The following MTF2 variants were observed in gnomAD, a reference collection of about 807,000 sequenced individuals.
MTF2 encodes the protein metal response element binding transcription factor 2.
Under a neutral mutation model 79.5 loss-of-function variants are expected in MTF2, and 11 were observed. That is an observed-to-expected ratio of 0.14 (90% confidence interval 0.09 to 0.23). MTF2 has a LOEUF of 0.23. MTF2 is among the 10% of genes least tolerant of loss of function. MTF2 has a pLI of 1.00. For synonymous variants in MTF2, 208 were observed against 232.8 expected (o/e 0.89, Z 0.97); for missense variants, 486 against 711.2 (o/e 0.68, Z 3.60).
intron 14 of MTF2, among the ~76,000 whole-genome samples, chr1:93,135,081 C>T (rs1335434070): frequency 6.6e-6 from 1 of 152,106 alleles, no homozygotes; most frequent in Non-Finnish European, 1.5e-5. Flanking sequence ...GCAATTCTGG[C>T]ACCTCAGCCT....
intron 9 of MTF2, among the ~76,000 whole-genome samples, chr1:93,126,960 G>A (rs899889404): frequency 6.6e-6 from 1 of 152,060 alleles, no homozygotes; most frequent in Non-Finnish European, 1.5e-5. Context: ...ACAGTTTGTA[G>A]TTCCTTCATA....
intron 1 of MTF2, among the ~76,000 whole-genome samples, chr1:93,107,328 G>A (rs1393704523): frequency 3.9e-5 from 6 of 152,032 alleles, no homozygotes; most frequent in Admixed American, 1.3e-4. Context: ...AGGTTCAAGC[G>A]GTTCTCCTGC....
Position 93,108,606 on chromosome 1 carries a change from A to ATT in MTF2, c.6-1605_6-1604dup, listed in dbSNP as rs35393630. On this transcript the variant is annotated intron_variant, in intron 1 of 14. Coordinates refer to ENST00000370298, the MANE Select transcript of MTF2 (RefSeq NM_007358.4). Reference sequence around the variant, plus strand: ...TTGTGTTTCTCTTGTTGCTTTCAAGATTTTTTTTTTTTTTTTTTTTGCCTT... The same window carrying ATT: ...TTGTGTTTCTCTTGTTGCTTTCAAGATTTTTTTTTTTTTTTTTTTTTTGCCTT... Among the ~76,000 whole-genome samples, 372 of 103,454 alleles carry ATT rather than the reference A, an allele frequency of 3.6e-3. 5 individuals carry two copies. Among genetic ancestry groups the ATT allele is most frequent in the African/African-American group, 0.013 (354 of 27,806 alleles). 67.9% of individuals were successfully genotyped at this position (103,454 alleles called of 152,430 possible). A position where few individuals can be genotyped will look rare whatever the true frequency, so the allele number is the denominator to read the frequency against.
intron 11 of MTF2, among the ~76,000 whole-genome samples, chr1:93,133,080 A>G (rs938740111): frequency 1.3e-5 from 2 of 151,632 alleles, no homozygotes; most frequent in African/African-American, 4.8e-5. Context: ...ATGGTTTTCT[A>G]GGTCTTTCTG....
At chr1:93,090,664 G>GTT (rs373876716) in intron 1 of MTF2, among the ~76,000 whole-genome samples, 76 of 139,136 alleles carry the variant, frequency 5.5e-4, no homozygotes, top group Admixed American at 6.6e-4. Flanking sequence ...ATTTTTCCTA[G>GTT]TTTTTTTTTT....
chr1:93,103,286 G>A (rs1241711950), intron 1 of MTF2, among the ~76,000 whole-genome samples: 3 of 151,278 alleles, frequency 2.0e-5, no homozygotes, highest in Non-Finnish European at 4.4e-5. Flanking sequence ...ATCCTATATA[G>A]TAGTTGGGAA....
Position 93,079,311 on chromosome 1 carries a change from G to C in MTF2, c.-216G>C. 2 of 565,574 alleles carry C rather than the reference G, an allele frequency of 3.5e-6. No individual in the cohort carries two copies. Among genetic ancestry groups the C allele is most frequent in the Non-Finnish European group, 6.3e-6 (2 of 316,582 alleles). The allele number at this position is 565,574 out of a possible 1,614,324, so 35.0% of individuals were successfully genotyped here. A position where few individuals can be genotyped will look rare whatever the true frequency, so the allele number is the denominator to read the frequency against. ...CCGCGGGAAACCAAAATGGCGAGGG[G>C]CTGTATTGAAGTGGGCTGTGTTTGA... On this transcript the variant is annotated 5_prime_UTR_variant, in exon 1 of 15. Coordinates refer to ENST00000370298, the MANE Select transcript of MTF2 (RefSeq NM_007358.4).
At position 93,138,190 on chromosome 1, in the gene MTF2, A is replaced by T. The variant is rs1647477476; in HGVS notation, c.*1163A>T. ...TCTTGTTTTTATAAAGTGTACCAAG[A>T]TTTAAATTGATAACTTTATTTTACT... On this transcript the variant is annotated 3_prime_UTR_variant, in exon 15 of 15. Coordinates refer to ENST00000370298, the MANE Select transcript of MTF2 (RefSeq NM_007358.4). The T allele has an allele frequency of 6.6e-6, 1 of 152,162 alleles. No individual in the cohort carries two copies. Among genetic ancestry groups the T allele is most frequent in the South Asian group, 2.1e-4 (1 of 4,832 alleles). 9.4% of individuals were successfully genotyped at this position (152,162 alleles called of 1,614,324 possible).
chr1:93,111,236 C>T (rs923878632), intron 3 of MTF2, among the ~76,000 whole-genome samples: 3 of 152,126 alleles, frequency 2.0e-5, no homozygotes, highest in Non-Finnish European at 4.4e-5. Context: ...AGATGTTTTA[C>T]CAGGTACCTC....
chr1:93,102,810 G>A (rs957417286), intron 1 of MTF2, among the ~76,000 whole-genome samples: 1 of 151,984 alleles, frequency 6.6e-6, no homozygotes, highest in African/African-American at 2.4e-5. Context: ...GGGGGGATAT[G>A]GGTATATAAA....
Position 93,079,346 on chromosome 1 carries a change from A to G in MTF2, c.-181A>G, listed in dbSNP as rs1654496291. On this transcript the variant is annotated 5_prime_UTR_variant, in exon 1 of 15. Transcript: ENST00000370298. ...AGTGGGCTGTGTTTGAGGCCGGTGT[A>G]AGAACGCTCATTCTACCCCCAACCC... The G allele has an allele frequency of 1.4e-6, 1 of 702,636 alleles. No homozygotes were observed. Among genetic ancestry groups the G allele is most frequent in the South Asian group, 1.7e-5 (1 of 59,346 alleles). 43.5% of individuals were successfully genotyped at this position (702,636 alleles called of 1,614,324 possible). A position where few individuals can be genotyped will look rare whatever the true frequency, so the allele number is the denominator to read the frequency against.
intron 14 of MTF2, chr1:93,134,419 T>C (rs1333087006): frequency 2.0e-6 from 1 of 504,738 alleles, no homozygotes; most frequent in African/African-American, 2.0e-5. Flanking sequence ...GTGTGGAAAT[T>C]TGCTGTGTAC....
intron 5 of MTF2, 80 bp downstream of exon 5, chr1:93,115,168 G>A (rs2101065103): frequency 1.8e-6 from 2 of 1,103,176 alleles, no homozygotes; most frequent in East Asian, 2.5e-5. Flanking sequence ...TACACTGAAA[G>A]TTTGTTGGAA....
intron 3 of MTF2, among the ~76,000 whole-genome samples, 171 bp downstream of exon 3, chr1:93,110,797 A>G (rs1223618467): frequency 6.6e-6 from 1 of 152,250 alleles, no homozygotes; most frequent in Non-Finnish European, 1.5e-5. Context: ...TAAGAAGAAC[A>G]AGAATACTCT....
intron 9 of MTF2, chr1:93,121,639 ATAT>A (rs1183283987): frequency 6.2e-6 from 6 of 972,170 alleles, no homozygotes; most frequent in African/African-American, 3.5e-5. Flanking sequence ...AAAATCTAGG[ATAT>A]TATTGAAATT....
chr1:93,136,573 ATG>A, intron 14 of MTF2, 95 bp from the exon 15 acceptor site: 1 of 967,424 alleles, frequency 1.0e-6, no homozygotes, highest in Non-Finnish European at 1.6e-6. Flanking sequence ...TCAAGGATAT[ATG>A]GTATAGTAGA....
chr1:93,123,744 C>T, intron 9 of MTF2, among the ~76,000 whole-genome samples: 1 of 141,334 alleles, frequency 7.1e-6, no homozygotes, highest in African/African-American at 2.7e-5. Flanking sequence ...CAGTTGTATT[C>T]TGTTTCGTGT....
intron 1 of MTF2, among the ~76,000 whole-genome samples, chr1:93,092,923 C>G (rs1164146824): frequency 6.6e-6 from 1 of 152,124 alleles, no homozygotes; most frequent in African/African-American, 2.4e-5. Flanking sequence ...TGGCTCACAC[C>G]TGTAATCCCA....
At chr1:93,118,662 C>G (rs1021888515) in intron 7 of MTF2, among the ~76,000 whole-genome samples, 5 of 152,062 alleles carry the variant, frequency 3.3e-5, no homozygotes, top group Admixed American at 3.3e-4. Context: ...ACATTTGCTC[C>G]TATTGACCCA....
Sources: allele counts gnomAD v4.1 joint callset (sites outside exome capture counted in the v4.1 genomes callset), GRCh38; gene constraint gnomAD v4.1.1; transcripts MANE v1.5; gene names NCBI Gene and HGNC (gene_info 2026-07-23, HGNC 2026-07-21).